The following BPIFB3 variants were observed in gnomAD, a reference collection of about 807,000 sequenced individuals.
The protein encoded by BPIFB3 is BPI fold-containing family B member 3.
BPIFB3 carries 49 observed loss-of-function variants against 53.1 expected under a neutral mutation model. The ratio of observed to expected loss-of-function variants is 0.92; its 90% confidence interval spans 0.73 to 1.17. The LOEUF is 1.17. Ranked by LOEUF, BPIFB3 falls within the 50% of genes most tolerant of loss-of-function variation. BPIFB3 has a pLI of 0.00. For synonymous variants in BPIFB3, 271 were observed against 269.6 expected (o/e 1.01, Z -0.05); for missense variants, 628 against 592.5 (o/e 1.06, Z -0.62).
chr20:33,059,340 C>A, intron 2 of BPIFB3, 38 bp from the exon 4 acceptor site: 1 of 1,520,700 alleles, frequency 6.6e-7, no homozygotes, highest in Non-Finnish European at 9.0e-7. Flanking sequence ...GCTGGGATGT[C>A]TGGGAGTGAG....
rs202172895 is a variant in BPIFB3, at chr20:33,055,436, A to C, written c.13A>C (p.Met5Leu). The C allele has an allele frequency of 1.2e-5, 20 of 1,613,638 alleles. No homozygotes were observed. The East Asian group carries it at 2.5e-4, about 20-fold the overall frequency. The change falls in exon 1 of 15, where the codon ATG (methionine) becomes CTG (leucine). Residue 5 changes from methionine (M) to leucine (L), a missense_variant. Met to Leu is a conservative substitution (Grantham distance 15, BLOSUM62 2). Transcript: ENST00000375494. ...GCTCCTTATAGGCATGCAGCCAGTC[A>C]TGCTGGCCCTGTGGTCCCTGCTTCT... is the stretch of plus-strand genomic sequence containing the variant.
intron 5 of BPIFB3, among the ~76,000 whole-genome samples, chr20:33,062,314 G>A (rs1055321583): frequency 1.3e-5 from 2 of 152,132 alleles, no homozygotes; most frequent in African/African-American, 4.8e-5. Flanking sequence ...GAGAGAGCTG[G>A]TCTGGCCCAA....
At chr20:33,072,163 T>C (rs754570295) in exon 13 of BPIFB3, 1 of 1,614,168 alleles carries the variant, frequency 6.2e-7, no homozygotes, top group Admixed American at 1.7e-5. Context: ...CACCAAAGCT[T>C]AACGGTATGG....
Position 33,073,556 on chromosome 20 carries a change from A to G in BPIFB3, c.1402-20A>G. ...TTGCAGAGACTCAGGGGTGTAACCA[A>G]GAGCGGTTGTTCCTTACAGAATGCT... is the stretch of plus-strand genomic sequence containing the variant. On this transcript the variant is annotated intron_variant, in intron 14 of 14. Coordinates refer to ENST00000375494, the Ensembl canonical transcript of BPIFB3. 6.2e-7 allele frequency: 1 copy of G among 1,613,926 alleles called. No individual in the cohort carries two copies. Among genetic ancestry groups the G allele is most frequent in the Non-Finnish European group, 8.5e-7 (1 of 1,179,910 alleles).
exon 2 of BPIFB3, chr20:33,056,559 G>A (rs765943828): frequency 6.2e-7 from 1 of 1,613,950 alleles, no homozygotes. Context: ...GAACTCACTG[G>A]TTGGGGAGCC....
rs138045241 is a variant in BPIFB3 at position 33,055,437 on chromosome 20, T to A, written c.14T>A (p.Met5Lys). Residue 5 changes from methionine to lysine, a missense_variant, in exon 1 of 15, where the codon ATG becomes AAG. Met to Lys is a moderately conservative substitution (Grantham distance 95). Transcript: ENST00000375494. ...CTCCTTATAGGCATGCAGCCAGTCA[T>A]GCTGGCCCTGTGGTCCCTGCTTCTG... The A allele has an allele frequency of 5.6e-6, 9 of 1,613,526 alleles. No individual in the cohort carries two copies. In the African/African-American group the frequency reaches 1.2e-4, roughly 22 times the overall value.
intron 1 of BPIFB3, 105 bp downstream of exon 2, chr20:33,055,652 T>C (rs1217250798): frequency 9.8e-6 from 15 of 1,523,442 alleles, no homozygotes; most frequent in Admixed American, 1.8e-5. Context: ...CAGGTTGTGA[T>C]TCTCAGCTGC....
intron 8 of BPIFB3, 135 bp from the exon 10 acceptor site, chr20:33,066,689 T>G: frequency 2.3e-5 from 18 of 793,582 alleles, no homozygotes; most frequent in Non-Finnish European, 3.9e-5. Context: ...AGAACAAACT[T>G]GAGTGTTTGT....
intron 10 of BPIFB3, among the ~76,000 whole-genome samples, chr20:33,069,408 G>A (rs1223643110): frequency 6.6e-6 from 1 of 152,096 alleles, no homozygotes; most frequent in African/African-American, 2.4e-5. Flanking sequence ...AAACACCTGA[G>A]CCTGACATTC....
chr20:33,067,311 C>T (rs74530328), intron 9 of BPIFB3, among the ~76,000 whole-genome samples: 2,203 of 152,342 alleles, frequency 0.014, 54 homozygotes, highest in African/African-American at 0.05. Context: ...ACTTCCAGGC[C>T]AGGCCTCAGC....
chr20:33,071,321 T>TTGGCAG (rs1471281929), intron 12 of BPIFB3, 26 bp downstream of exon 13: 1 of 1,554,530 alleles, frequency 6.4e-7, no homozygotes, highest in Admixed American at 2.0e-5. Context: ...GGTGAGGGGC[T>TTGGCAG]TGGCAGTGAT....
At chr20:33,063,422 C>T (rs529826991) in intron 5 of BPIFB3, among the ~76,000 whole-genome samples, 193 bp from the exon 7 acceptor site, 2 of 152,334 alleles carry the variant, frequency 1.3e-5, no homozygotes, top group South Asian at 4.1e-4. Context: ...TGGGGGCCAC[C>T]CAACCCTCTG....
At position 33,065,601 on chromosome 20, in the gene BPIFB3, A is replaced by AGAAG. The variant is rs138287230; in HGVS notation, c.924+777_924+780dup. Among the ~76,000 whole-genome samples the AGAAG allele has an allele frequency of 3.5e-3, 525 of 151,174 alleles. 1 individual carries two copies. Among genetic ancestry groups the AGAAG allele is most frequent in the African/African-American group, 7.7e-3 (314 of 41,040 alleles). The stretch of plus-strand genomic sequence containing the variant: ...AGAAAAGAAGGAAGGAAGGAAGGAA[A>AGAAG]GAAGGAAGGAAGGAAGGAAGGAAGA... On this transcript the variant is annotated intron_variant, in intron 8 of 14. Transcript: ENST00000375494.
chr20:33,054,573 G>A (rs1355753891), upstream of BPIFB3, among the ~76,000 whole-genome samples: 1 of 152,158 alleles, frequency 6.6e-6, no homozygotes, highest in Non-Finnish European at 1.5e-5. Context: ...ACAAGGAACC[G>A]CATGTGCAAA....
At chr20:33,055,752 G>A (rs1483475146) in intron 1 of BPIFB3, among the ~76,000 whole-genome samples, 2 of 152,196 alleles carry the variant, frequency 1.3e-5, no homozygotes, top group African/African-American at 4.8e-5. Context: ...TCTTACGGGA[G>A]GTGGACTGGG....
chr20:33,060,525 G>C (rs539630602), intron 4 of BPIFB3, among the ~76,000 whole-genome samples: 1 of 152,114 alleles, frequency 6.6e-6, no homozygotes, highest in Admixed American at 6.5e-5. Flanking sequence ...GATCTGTCCA[G>C]GTGGCCCTCC....
At chr20:33,071,426 C>A in intron 12 of BPIFB3, 131 bp downstream of exon 13, 1 of 1,041,462 alleles carries the variant, frequency 9.6e-7, no homozygotes, top group Non-Finnish European at 1.4e-6. Flanking sequence ...CCCAATTAAG[C>A]CAGAGTGGGC....
intron 2 of BPIFB3, 48 bp downstream of exon 3, chr20:33,056,746 C>T: frequency 6.6e-7 from 1 of 1,509,764 alleles, no homozygotes; most frequent in Non-Finnish European, 8.8e-7. Context: ...GGCTTTGCTT[C>T]CAGGAATTGA....
At chr20:33,072,208 A>AATTTGGT (rs1361883307) in intron 13 of BPIFB3, 41 bp downstream of exon 14, 3 of 1,600,140 alleles carry the variant, frequency 1.9e-6, no homozygotes, top group South Asian at 2.2e-5. Context: ...GGAGTGTCTG[A>AATTTGGT]ATTTGGTATT....
Sources: allele counts gnomAD v4.1 joint callset (sites outside exome capture counted in the v4.1 genomes callset), GRCh38; gene constraint gnomAD v4.1.1; transcripts MANE v1.5; gene names NCBI Gene and HGNC (gene_info 2026-07-23, HGNC 2026-07-21).